ADRA1A: variants seen among roughly 807,000 people sequenced by gnomAD.
ADRA1A encodes alpha-1A adrenergic receptor.
In ADRA1A, 31 loss-of-function variants were observed where a neutral mutation model predicts 29.6. The ratio of observed to expected loss-of-function variants is 1.05; its 90% CI spans 0.79 to 1.41. ADRA1A has a LOEUF of 1.41. Among genes scored for constraint, ADRA1A ranks in the 40% most tolerant of loss-of-function variants. The probability of loss-of-function intolerance (pLI) is 0.00; values close to 1 mark genes in which losing one functional copy is unlikely to be tolerated. For synonymous variants in ADRA1A, 311 were observed against 254.3 expected, an observed-to-expected ratio of 1.22 and a Z score of -2.12; for missense variants, 619 against 601.1, an observed-to-expected ratio of 1.03 and a Z score of -0.31.
intron 2 of ADRA1A, chr8:26,772,115 G>A (rs1167752047): frequency 7.0e-6 from 1 of 142,374 alleles, no homozygotes; most frequent in Non-Finnish European, 1.5e-5. Context: ...TGATAATATG[G>A]GCTTTTTTTT....
Position 26,769,899 on chromosome 8 carries a change from G to C in ADRA1A, c.*250C>G, listed in dbSNP as rs1180984043. ...TGGTTTTCGTTGAAGTGGGCACAGAGTGACCAAGAAAGCATTAGCTGCAGG... is the reference window on the plus strand; with the variant it reads ...TGGTTTTCGTTGAAGTGGGCACAGACTGACCAAGAAAGCATTAGCTGCAGG... On this transcript the variant is annotated 3_prime_UTR_variant, in exon 3 of 3. Coordinates refer to ENST00000380573, the MANE Select transcript of ADRA1A (RefSeq NM_000680.4). The C allele has an allele frequency of 8.0e-7, 1 of 1,242,796 alleles. No homozygotes were observed. The highest frequency in any genetic ancestry group is 1.5e-5 in the African/African-American group (1 of 65,632). The allele number at this position is 1,242,796 out of a possible 1,614,324, so 77.0% of individuals were successfully genotyped here.
At position 26,823,246 on chromosome 8, in the gene ADRA1A, C is replaced by T. The variant is rs189414590; in HGVS notation, c.883+40841G>A. Among the ~76,000 whole-genome samples the T allele has an allele frequency of 1.3e-5, 2 of 152,120 alleles. No individual in the cohort carries two copies. The highest frequency in any genetic ancestry group is 1.3e-4 in the Admixed American group (2 of 15,284). On this transcript the variant is annotated intron_variant, in intron 2 of 2. Transcript: ENST00000380573. The surrounding 1 kb of genome is among the most constrained non-coding windows in gnomAD (Gnocchi z 4.2). ...AGTGTGCTCTTGTCTGTGACACATG[C>T]TTCTTTGGCCACATGGTATAGTGTC...
At chr8:26,757,210 C>G in intron 2 of ADRA1A, 1 of 697,684 alleles carries the variant, frequency 1.4e-6, no homozygotes, top group Non-Finnish European at 2.6e-6. Flanking sequence ...CTCTTTAAAA[C>G]AAGTTTGAGA....
chr8:26,828,393 G>T (rs1810741018), intron 2 of ADRA1A, among the ~76,000 whole-genome samples: 1 of 152,114 alleles, frequency 6.6e-6, no homozygotes, highest in African/African-American at 2.4e-5. Flanking sequence ...TTGGTGTTAG[G>T]CTCAAGAATG....
exon 3 of ADRA1A, chr8:26,748,178 G>T (rs1003591904): frequency 6.6e-6 from 1 of 152,240 alleles, no homozygotes; most frequent in Admixed American, 6.5e-5. Flanking sequence ...GGGTGTCTAT[G>T]GGAAGGTAAG....
chr8:26,794,964 A>G (rs986254009), intron 2 of ADRA1A, among the ~76,000 whole-genome samples: 5 of 152,172 alleles, frequency 3.3e-5, no homozygotes, highest in Admixed American at 6.6e-5. Context: ...CCTGTGTACT[A>G]TAATAATTTG....
intron 2 of ADRA1A, among the ~76,000 whole-genome samples, chr8:26,850,504 G>A (rs1014187055): frequency 5.9e-5 from 9 of 152,142 alleles, no homozygotes; most frequent in African/African-American, 1.9e-4. Flanking sequence ...CTTTTTTGTT[G>A]TTGTTGTCAG....
Position 26,769,522 on chromosome 8 carries a change from C to G in ADRA1A, c.*627G>C. 2 of 985,450 alleles carry G rather than the reference C, an allele frequency of 2.0e-6. No homozygotes were observed. Among genetic ancestry groups the G allele is most frequent in the Non-Finnish European group, 2.4e-6 (2 of 829,928 alleles). 61.0% of individuals were successfully genotyped at this position (985,450 alleles called of 1,614,324 possible). A position where few individuals can be genotyped will look rare whatever the true frequency, so the allele number is the denominator to read the frequency against. ...CATCATGAGTGCCCCTCACTCTCAT[C>G]TTTGGGAAATGAGGAGCAGCATCCA... On this transcript the variant is annotated 3_prime_UTR_variant, in exon 3 of 3. Coordinates refer to ENST00000380573, the MANE Select transcript of ADRA1A (RefSeq NM_000680.4).
chr8:26,795,487 C>T (rs1363919988), intron 2 of ADRA1A, among the ~76,000 whole-genome samples: 1 of 152,102 alleles, frequency 6.6e-6, no homozygotes, highest in Non-Finnish European at 1.5e-5. Context: ...ATCTACACCT[C>T]AGTTAATCAA....
chr8:26,866,174 G>A lies in ADRA1A; in HGVS notation c.-686-519C>T, dbSNP rs866502430. Among the ~76,000 whole-genome samples the A allele has an allele frequency of 1.3e-5, 2 of 152,176 alleles. No homozygotes were observed. The highest frequency in any genetic ancestry group is 6.5e-5 in the Admixed American group (1 of 15,290). Reference sequence around the variant, plus strand: ...GGACCACGAGCACGCTCACTCTCACGCCGGTGGAATTCGCACTCGGGTGTG... The same window carrying A: ...GGACCACGAGCACGCTCACTCTCACACCGGTGGAATTCGCACTCGGGTGTG... On this transcript the variant is annotated intron_variant, in intron 1 of 2. Coordinates refer to ENST00000380573, the MANE Select transcript of ADRA1A (RefSeq NM_000680.4). This position sits in a 1 kb window ranked among gnomAD's most constrained non-coding sequence, Gnocchi z 5.7.
chr8:26,856,193 A>G (rs952305499), intron 2 of ADRA1A, among the ~76,000 whole-genome samples: 2 of 152,248 alleles, frequency 1.3e-5, no homozygotes, highest in African/African-American at 2.4e-5. Context: ...AGCTTTTCTC[A>G]TAAATCTAAG....
chr8:26,786,581 T>G (rs1807405164), intron 2 of ADRA1A, among the ~76,000 whole-genome samples: 1 of 152,066 alleles, frequency 6.6e-6, no homozygotes, highest in Non-Finnish European at 1.5e-5. Context: ...AATACTTCTC[T>G]GCACCAGGCC....
In ADRA1A at chr8:26,864,572, C is replaced by G. The variant is rs752263648; in HGVS notation, c.398G>C (p.Arg133Pro). 1 of 1,613,936 alleles carries G rather than the reference C, an allele frequency of 6.2e-7. No individual in the cohort carries two copies. Among genetic ancestry groups the G allele is most frequent in the African/African-American group, 1.3e-5 (1 of 74,926 alleles). ...DRYIGVSYPL[R>P]YPTIVTQRRG... ...CCTCTGGGTGACGATGGTTGGGTAG[C>G]GCAGCGGGTAGCTCACGCCGATGTA... Residue 133 changes from arginine (R) to proline (P), a missense_variant, in exon 2 of 3, where the codon CGC (arginine) becomes CCC (proline). By Grantham distance (103) the Arg-to-Pro change is moderately radical (BLOSUM62 -2). Coordinates refer to ENST00000380573, the MANE Select transcript of ADRA1A (RefSeq NM_000680.4). This position sits in a 1 kb window ranked among gnomAD's most constrained non-coding sequence, Gnocchi z 8.1.
intron 2 of ADRA1A, among the ~76,000 whole-genome samples, chr8:26,811,196 T>C (rs891604860): frequency 6.4e-5 from 6 of 94,100 alleles, no homozygotes; most frequent in African/African-American, 3.1e-4. Flanking sequence ...CTTTCTTTTC[T>C]TTTTTTTTTT....
At position 26,806,736 on chromosome 8, in the gene ADRA1A, G is replaced by A. The variant is rs761235925; in HGVS notation, c.884-36070C>T. On this transcript the variant is annotated intron_variant, in intron 2 of 2. Coordinates refer to ENST00000380573, the MANE Select transcript of ADRA1A (RefSeq NM_000680.4). The surrounding 1 kb of genome is among the most constrained non-coding windows in gnomAD (Gnocchi z 4.6). ...CGGTCATTACATAAAGCTGCCACAT[G>A]CCTGGAAGGAGGAAATAGGAAGAGC... Among the ~76,000 whole-genome samples the A allele has an allele frequency of 2.0e-5, 3 of 152,186 alleles. No individual in the cohort carries two copies. The highest frequency in any genetic ancestry group is 2.1e-4 in the South Asian group (1 of 4,828).
Position 26,865,982 on chromosome 8 carries a change from C to T in ADRA1A, c.-686-327G>A, listed in dbSNP as rs1813882365. 6.6e-6 allele frequency among the ~76,000 whole-genome samples: 1 copy of T among 152,212 alleles called. No homozygotes were observed. The highest frequency in any genetic ancestry group is 2.4e-5 in the African/African-American group (1 of 41,458). ...GCGCAGGTACCACGAAATTAAAATC[C>T]TCGAAGCCCCGGAGGGGCGACTGCG... is the stretch of plus-strand genomic sequence containing the variant. On this transcript the variant is annotated intron_variant, in intron 1 of 2. Transcript: ENST00000380573. The surrounding 1 kb of genome is among the most constrained non-coding windows in gnomAD (Gnocchi z 7.6).
chr8:26,752,230 G>C (rs555034867), downstream of ADRA1A, among the ~76,000 whole-genome samples: 2 of 152,310 alleles, frequency 1.3e-5, no homozygotes, highest in South Asian at 4.1e-4. Context: ...TATTGTGTGA[G>C]CCACTTTTAT....
At chr8:26,834,136 C>T (rs1474141310) in intron 2 of ADRA1A, among the ~76,000 whole-genome samples, 1 of 152,140 alleles carries the variant, frequency 6.6e-6, no homozygotes, top group African/African-American at 2.4e-5. Flanking sequence ...TGTAAATATT[C>T]TACTCACAGT....
intron 2 of ADRA1A, among the ~76,000 whole-genome samples, chr8:26,828,944 T>A (rs1310912010): frequency 2.0e-5 from 3 of 152,234 alleles, no homozygotes; most frequent in African/African-American, 4.8e-5. Flanking sequence ...AGGATTCTTT[T>A]GTTTCTTCTT....
Sources: gnomAD v4.1 joint callset for allele counts (sites outside exome capture counted in the v4.1 genomes callset) on GRCh38, gnomAD v4.1.1 for gene constraint, Gnocchi (gnomAD v3.1) non-coding constraint, MANE v1.5 for transcripts, NCBI Gene and HGNC (gene_info 2026-07-23, HGNC 2026-07-21) for gene names.